The following RALGAPA2 variants were observed in gnomAD, a reference collection of about 807,000 sequenced individuals.
The protein encoded by RALGAPA2 is Ral GTPase activating protein catalytic subunit alpha 2, also known as ral GTPase-activating protein subunit alpha-2.
RALGAPA2 carries 139 observed loss-of-function variants against 230.4 expected under a neutral mutation model. The ratio of observed to expected loss-of-function variants is 0.60; its 90% CI spans 0.53 to 0.69. The LOEUF is 0.69. RALGAPA2 is among the 30% of genes least tolerant of loss of function. The probability of loss-of-function intolerance (pLI) is 0.00; values close to 1 mark genes in which losing one functional copy is unlikely to be tolerated. For synonymous variants in RALGAPA2, 847 were observed against 837.8 expected (o/e 1.01, Z -0.19); for missense variants, 2,163 against 2,276.0 (o/e 0.95, Z 1.01).
At chr20:20,531,638 T>G in intron 27 of RALGAPA2, 49 bp downstream of exon 27, 1 of 1,393,772 alleles carries the variant, frequency 7.2e-7, no homozygotes, top group South Asian at 1.2e-5. Context: ...AACTGTTAAA[T>G]GCCTCAGATA....
chr20:20,458,373 T>A (rs2061173043), intron 37 of RALGAPA2, among the ~76,000 whole-genome samples: 1 of 148,186 alleles, frequency 6.7e-6, no homozygotes, highest in African/African-American at 2.5e-5. Context: ...TGAATCTGTT[T>A]GTCCAAAAAA....
chr20:20,523,972 G>T (rs564253049), intron 30 of RALGAPA2, among the ~76,000 whole-genome samples: 7 of 152,064 alleles, frequency 4.6e-5, no homozygotes, highest in East Asian at 1.9e-4. Flanking sequence ...ACTTTTTTGG[G>T]GGGGGATGGA....
chr20:20,626,880 C>T (rs1003642531), intron 10 of RALGAPA2, among the ~76,000 whole-genome samples: 2 of 152,144 alleles, frequency 1.3e-5, no homozygotes, highest in African/African-American at 4.8e-5. Flanking sequence ...GTGACAGAGA[C>T]GTACGATCCA....
chr20:20,409,155 G>C, intron 38 of RALGAPA2, among the ~76,000 whole-genome samples: 1 of 152,192 alleles, frequency 6.6e-6, no homozygotes, highest in East Asian at 1.9e-4. Context: ...GCACCTGGAT[G>C]GGGAGAGTCA....
intron 39 of RALGAPA2, among the ~76,000 whole-genome samples, chr20:20,396,295 G>A (rs578174527): frequency 2.0e-5 from 3 of 152,388 alleles, no homozygotes; most frequent in South Asian, 2.1e-4. Flanking sequence ...TAAGGCTGGC[G>A]GTCAAAGGCC....
At chr20:20,531,659 T>G in intron 27 of RALGAPA2, 28 bp downstream of exon 27, 1 of 1,514,800 alleles carries the variant, frequency 6.6e-7, no homozygotes. Flanking sequence ...TGGCTTAATA[T>G]CCAATCAGCA....
At chr20:20,572,191 G>C (rs1434416450) in intron 21 of RALGAPA2, among the ~76,000 whole-genome samples, 1 of 152,076 alleles carries the variant, frequency 6.6e-6, no homozygotes, top group East Asian at 1.9e-4. Context: ...TTAATGGCTG[G>C]GGAGGTCCTG....
At position 20,561,604 on chromosome 20, in the gene RALGAPA2, C is replaced by T. The variant is rs16981983; in HGVS notation, c.3156+9854G>A. Among the ~76,000 whole-genome samples the T allele has an allele frequency of 7.3e-3, 1,114 of 151,992 alleles. 11 individuals are homozygous for T. The highest frequency in any genetic ancestry group is 0.026 in the African/African-American group (1,068 of 41,456). ...AAGCTGAACCATTATGAAATTGTAC[C>T]CCCTTTTTGAAAACTCATTTAACTC... is the stretch of plus-strand genomic sequence containing the variant. On this transcript the variant is annotated intron_variant, in intron 23 of 39. Transcript: ENST00000202677.
At chr20:20,543,624 G>A (rs914477739) in intron 24 of RALGAPA2, among the ~76,000 whole-genome samples, 9 of 152,002 alleles carry the variant, frequency 5.9e-5, no homozygotes, top group African/African-American at 2.2e-4. Context: ...GCAAACTATC[G>A]CAAGGACAAA....
chr20:20,482,008 G>T (rs534871837), intron 36 of RALGAPA2, among the ~76,000 whole-genome samples: 3 of 152,208 alleles, frequency 2.0e-5, no homozygotes, highest in African/African-American at 7.2e-5. Context: ...GAAATGTAAG[G>T]TATATTTCTG....
rs2063005807 is a variant in RALGAPA2 at position 20,520,514 on chromosome 20, T to G, written c.4084+403A>C. On this transcript the variant is annotated intron_variant, in intron 31 of 39. Transcript: ENST00000202677. ...TCCTAACTTGGAACAATCTATGAGC[T>G]CCTTTCAACACCTGCCCACCCTGCT... Among the ~76,000 whole-genome samples the G allele has an allele frequency of 2.0e-5, 3 of 152,132 alleles. No individual in the cohort carries two copies. In the South Asian group the frequency reaches 6.2e-4, roughly 31 times the overall value.
At chr20:20,610,368 C>G (rs1465946885) in intron 14 of RALGAPA2, among the ~76,000 whole-genome samples, 1 of 152,190 alleles carries the variant, frequency 6.6e-6, no homozygotes, top group African/African-American at 2.4e-5. Flanking sequence ...GACTCTCTGG[C>G]ACATCTGTTC....
intron 23 of RALGAPA2, among the ~76,000 whole-genome samples, chr20:20,567,891 AAAAT>A (rs2064493192): frequency 6.9e-6 from 1 of 145,782 alleles, no homozygotes; most frequent in Admixed American, 6.7e-5. Flanking sequence ...AAAATAAAAT[AAAAT>A]AAAATAAAAT....
At chr20:20,476,718 TAAAA>T (rs1319514498) in intron 36 of RALGAPA2, among the ~76,000 whole-genome samples, 5 of 146,268 alleles carry the variant, frequency 3.4e-5, no homozygotes, top group Admixed American at 2.0e-4. Context: ...AATAAATAAA[TAAAA>T]GAAAATACAT....
intron 2 of RALGAPA2, 131 bp downstream of exon 2, chr20:20,680,560 C>G (rs561616439): frequency 7.8e-7 from 1 of 1,285,104 alleles, no homozygotes; most frequent in South Asian, 1.8e-5. Flanking sequence ...CCCTGTCCAC[C>G]ATGCTCTCAC....
intron 10 of RALGAPA2, among the ~76,000 whole-genome samples, chr20:20,621,693 A>G (rs2066329913): frequency 6.6e-6 from 1 of 152,160 alleles, no homozygotes; most frequent in Non-Finnish European, 1.5e-5. Context: ...CCATACAACA[A>G]TTTTGATTTA....
intron 13 of RALGAPA2, among the ~76,000 whole-genome samples, chr20:20,615,658 G>A (rs1435604852): frequency 6.6e-6 from 1 of 152,154 alleles, no homozygotes; most frequent in Non-Finnish European, 1.5e-5. Context: ...TTTCCAAAAT[G>A]AATTTAAAAC....
At chr20:20,452,422 T>C (rs1319999852) in intron 37 of RALGAPA2, among the ~76,000 whole-genome samples, 3 of 152,206 alleles carry the variant, frequency 2.0e-5, no homozygotes, top group Non-Finnish European at 4.4e-5. Flanking sequence ...CTTGTACGAA[T>C]CCAGACACCA....
intron 37 of RALGAPA2, among the ~76,000 whole-genome samples, chr20:20,469,947 TTTAG>T (rs2061502120): frequency 6.6e-6 from 1 of 152,122 alleles, no homozygotes; most frequent in Non-Finnish European, 1.5e-5. Context: ...ACAAATTTGA[TTTAG>T]CCTGCAGAGG....
Sources: allele counts gnomAD v4.1 joint callset (sites outside exome capture counted in the v4.1 genomes callset), GRCh38; gene constraint gnomAD v4.1.1; transcripts MANE v1.5; gene names NCBI Gene and HGNC (gene_info 2026-07-23, HGNC 2026-07-21).